INSYN2A: variants seen among roughly 807,000 people sequenced by gnomAD.
INSYN2A encodes inhibitory synaptic factor 2A, also known as family with sequence similarity 196 member A.
Under a neutral mutation model 39.4 loss-of-function variants are expected in INSYN2A, and 17 were observed. That is an observed-to-expected ratio of 0.43 (90% confidence interval 0.30 to 0.65). The LOEUF (loss-of-function observed/expected upper bound fraction) is 0.65. Among genes scored for constraint, INSYN2A ranks in the 30% least tolerant of loss-of-function variants. The pLI is 0.14. For missense variants in INSYN2A, 595 were observed against 631.2 expected (o/e 0.94, Z 0.61); for synonymous variants, 255 against 265.7 (o/e 0.96, Z 0.39).
Position 127,147,740 on chromosome 10 carries a change from C to T in INSYN2A, c.1256+6112G>A, listed in dbSNP as rs188108689. ...TTATCAAAGTGGTTGTTTAAAATTC[C>T]ACCTGTCCTTGTCTGGGCACGGTGG... On this transcript the variant is annotated intron_variant, in intron 5 of 5. Transcript: ENST00000522781. 3.3e-5 allele frequency among the ~76,000 whole-genome samples: 5 copies of T among 152,146 alleles called. No homozygotes were observed. The East Asian group carries it at 7.8e-4, about 24-fold the overall frequency.
chr10:127,186,507 G>GCCC (rs1326283340), intron 2 of INSYN2A, among the ~76,000 whole-genome samples: 78 of 5,914 alleles, frequency 0.013, 13 homozygotes, highest in East Asian at 0.054. Flanking sequence ...GGGAGAAACC[G>GCCC]CCCCCCCGCC....
Position 127,148,898 on chromosome 10 carries a change from A to AGG in INSYN2A, c.1256+4952_1256+4953dup, listed in dbSNP as rs539941293. Among the ~76,000 whole-genome samples, 997 of 152,306 alleles carry AGG rather than the reference A, an allele frequency of 6.5e-3. 4 individuals are homozygous for AGG. The highest frequency in any genetic ancestry group is 0.012 in the Admixed American group (176 of 15,296). ...CACAGTCGGTCTGCATCACAACCGA[A>AGG]GGGATGTCTGTCATCTTAGAAAAAG... On this transcript the variant is annotated intron_variant, in intron 5 of 5. Coordinates refer to ENST00000522781, the MANE Select transcript of INSYN2A (RefSeq NM_001039762.3).
At chr10:127,161,081 T>C (rs1476489291) in intron 4 of INSYN2A, among the ~76,000 whole-genome samples, 3 of 152,236 alleles carry the variant, frequency 2.0e-5, no homozygotes, top group South Asian at 2.1e-4. Flanking sequence ...CTCTGAGCAG[T>C]AGATTTGGCT....
chr10:127,167,783 C>T (rs1406165143), intron 4 of INSYN2A, among the ~76,000 whole-genome samples: 1 of 152,006 alleles, frequency 6.6e-6, no homozygotes, highest in Non-Finnish European at 1.5e-5. Flanking sequence ...CAAGACAAAG[C>T]TTCATGTCTC....
chr10:127,141,240 A>G (rs1174558628), intron 5 of INSYN2A, among the ~76,000 whole-genome samples: 1 of 152,126 alleles, frequency 6.6e-6, no homozygotes. Context: ...ATTCGTTCCC[A>G]TATTACTTGC....
At chr10:127,169,653 T>A (rs1468962023) in intron 4 of INSYN2A, among the ~76,000 whole-genome samples, 2 of 152,172 alleles carry the variant, frequency 1.3e-5, no homozygotes, top group Non-Finnish European at 2.9e-5. Flanking sequence ...CAGAGTTGAA[T>A]CATTGTGACA....
chr10:127,152,849 A>T (rs946210022), intron 5 of INSYN2A, among the ~76,000 whole-genome samples: 3 of 152,196 alleles, frequency 2.0e-5, no homozygotes, highest in African/African-American at 7.2e-5. Context: ...CAGGTGACCC[A>T]GCTTTGCTTT....
intron 2 of INSYN2A, among the ~76,000 whole-genome samples, chr10:127,190,682 C>CCCCCCCCG (rs1554912109): frequency 6.9e-5 from 3 of 43,738 alleles, no homozygotes; most frequent in Non-Finnish European, 9.9e-5. Flanking sequence ...CCCCCCCCCC[C>CCCCCCCCG]CGTTCCTGCT....
At chr10:127,138,231 T>C (rs1373880110) in intron 5 of INSYN2A, among the ~76,000 whole-genome samples, 4 of 152,246 alleles carry the variant, frequency 2.6e-5, no homozygotes, top group Non-Finnish European at 5.9e-5. Flanking sequence ...ACTTACTTGC[T>C]TCTGTAGGTG....
rs561907655 is a variant in INSYN2A, at chr10:127,190,679, C to A, written c.-269+1926G>T. 1.4e-4 allele frequency among the ~76,000 whole-genome samples: 9 copies of A among 63,486 alleles called. 3 individuals carry two copies. The East Asian group carries it at 2.8e-3, about 20-fold the overall frequency. The allele number at this position is 63,486 out of a possible 152,430, so 41.6% of individuals were successfully genotyped here. A position where few individuals can be genotyped will look rare whatever the true frequency, so the allele number is the denominator to read the frequency against. ...AAATCCTATCTTCCCCCCCCCCCCCCCCCCGTTCCTGCTGGCTCCCAGATT... is the reference window on the plus strand; with the variant it reads ...AAATCCTATCTTCCCCCCCCCCCCCACCCCGTTCCTGCTGGCTCCCAGATT... On this transcript the variant is annotated intron_variant, in intron 2 of 5. Transcript: ENST00000522781.
intron 2 of INSYN2A, among the ~76,000 whole-genome samples, chr10:127,189,906 G>C (rs1270954582): frequency 6.6e-6 from 1 of 152,216 alleles, no homozygotes; most frequent in African/African-American, 2.4e-5. Context: ...GAGATCAATG[G>C]AGTTGAAGTC....
chr10:127,147,245 G>C (rs919319780), intron 5 of INSYN2A, among the ~76,000 whole-genome samples: 7 of 152,168 alleles, frequency 4.6e-5, no homozygotes, highest in African/African-American at 1.4e-4. Context: ...CTGTCTAAGG[G>C]GGAGTGTTCA....
rs539322812 is a variant in INSYN2A at position 127,185,844 on chromosome 10, A to G, written c.-269+6761T>C. ...CACACACACTCACAAAAATGAGTAG[A>G]TGGCACAGAAATGGTACAGGTTCTA... On this transcript the variant is annotated intron_variant, in intron 2 of 5. Coordinates refer to ENST00000522781, the MANE Select transcript of INSYN2A (RefSeq NM_001039762.3). Among the ~76,000 whole-genome samples, 142 of 152,206 alleles carry G rather than the reference A, an allele frequency of 9.3e-4. 1 individual carries two copies. The highest frequency in any genetic ancestry group is 1.8e-3 in the Non-Finnish European group (125 of 68,042).
chr10:127,161,965 C>G (rs2053627541), intron 4 of INSYN2A, among the ~76,000 whole-genome samples: 1 of 152,202 alleles, frequency 6.6e-6, no homozygotes, highest in African/African-American at 2.4e-5. Flanking sequence ...AAGTAAAACT[C>G]TGGAAAACTG....
At chr10:127,147,896 C>T (rs528961691) in intron 5 of INSYN2A, among the ~76,000 whole-genome samples, 19 of 151,598 alleles carry the variant, frequency 1.3e-4, no homozygotes, top group East Asian at 1.2e-3. Flanking sequence ...CCAGGATTGG[C>T]GGTGCGCGCA....
At position 127,176,449 on chromosome 10, in the gene INSYN2A, C is replaced by T. The variant is rs2489385; in HGVS notation, c.-5-49G>A. ...GGTGTCAGTGGGACAGAAATACACA[C>T]TCAAGCACCGGCCGCACAAACTTTT... On this transcript the variant is annotated intron_variant, in intron 3 of 5. Transcript: ENST00000522781. The surrounding 1 kb of genome is among the most constrained non-coding windows in gnomAD (Gnocchi z 4.4). 836,168 of 1,456,462 alleles carry T rather than the reference C, an allele frequency of 0.57. 245,133 individuals are homozygous for T. The highest frequency in any genetic ancestry group is 0.76 in the East Asian group (33,199 of 43,700). The allele number at this position is 1,456,462 out of a possible 1,614,324, so 90.2% of individuals were successfully genotyped here.
At chr10:127,167,789 G>A (rs1397217614) in intron 4 of INSYN2A, among the ~76,000 whole-genome samples, 1 of 151,784 alleles carries the variant, frequency 6.6e-6, no homozygotes, top group Non-Finnish European at 1.5e-5. Context: ...AAAGCTTCAT[G>A]TCTCCATTTA....
At chr10:127,195,729 C>A (rs1357912995) in intron 1 of INSYN2A, among the ~76,000 whole-genome samples, 4 of 152,212 alleles carry the variant, frequency 2.6e-5, no homozygotes, top group Non-Finnish European at 5.9e-5. Flanking sequence ...TCCCTGACGT[C>A]GCCAAAGTTG....
chr10:127,158,744 G>A (rs535280650), intron 4 of INSYN2A, among the ~76,000 whole-genome samples: 8 of 152,290 alleles, frequency 5.3e-5, no homozygotes, highest in African/African-American at 1.9e-4. Context: ...CTAATGATAA[G>A]CATGTTCATT....
Sources: allele counts gnomAD v4.1 joint callset (sites outside exome capture counted in the v4.1 genomes callset), GRCh38; gene constraint gnomAD v4.1.1; non-coding constraint Gnocchi (gnomAD v3.1); transcripts MANE v1.5; gene names NCBI Gene and HGNC (gene_info 2026-07-23, HGNC 2026-07-21).